The following FAM153A variants were observed in gnomAD, a reference collection of about 807,000 sequenced individuals.
FAM153A encodes family with sequence similarity 153 member A.
FAM153A carries 12 observed loss-of-function variants against 48.1 expected under a neutral mutation model. The ratio of observed to expected loss-of-function variants is 0.25; its 90% CI spans 0.16 to 0.40. The LOEUF (loss-of-function observed/expected upper bound fraction) is 0.40. FAM153A is among the 10% of genes least tolerant of loss of function. The pLI is 1.00. For synonymous variants in FAM153A, 36 were observed against 118.2 expected, an observed-to-expected ratio of 0.30 and a Z score of 4.51; for missense variants, 111 against 345.8, an observed-to-expected ratio of 0.32 and a Z score of 5.38.
the FAM153A span, among the ~76,000 whole-genome samples, chr5:177,697,714 T>C: frequency 4.6e-5 from 7 of 151,884 alleles, no homozygotes; most frequent in African/African-American, 1.7e-4. Flanking sequence ...TCCAGCTCTC[T>C]GAGGATTGGG....
chr5:177,738,278 C>T lies in FAM153A; in HGVS notation c.562+835G>A, dbSNP rs141572832. Among the ~76,000 whole-genome samples the T allele has an allele frequency of 5.5e-4, 83 of 151,452 alleles. 4 individuals are homozygous for T. The highest frequency in any genetic ancestry group is 1.8e-3 in the African/African-American group (72 of 40,726). On this transcript the variant is annotated intron_variant, in intron 10 of 20. Coordinates refer to ENST00000614127, the Ensembl canonical transcript of FAM153A. ...TTATGCCGTTAAATACAATATAACA[C>T]GCCTGATTATTTTCTGCTTTGGATC...
At chr5:177,746,683 G>A (rs1291777383) in intron 4 of FAM153A, among the ~76,000 whole-genome samples, 1 of 150,222 alleles carries the variant, frequency 6.7e-6, no homozygotes, top group Non-Finnish European at 1.5e-5. Context: ...GGGGCCCGCT[G>A]TTGCTCATAC....
Position 177,735,089 on chromosome 5 carries a change from A to G in FAM153A, c.665-156T>C, listed in dbSNP as rs191863273. On this transcript the variant is annotated intron_variant, in intron 12 of 20. Coordinates refer to ENST00000614127, the Ensembl canonical transcript of FAM153A. ...GCCTTTGGCTTCCTAGCTCCAGGCC[A>G]CCTCATAAACATATAATAGCCAATC... 7.4e-4 allele frequency among the ~76,000 whole-genome samples: 94 copies of G among 126,472 alleles called. 1 individual carries two copies. Among genetic ancestry groups the G allele is most frequent in the African/African-American group, 2.1e-3 (75 of 35,750 alleles). The allele number at this position is 126,472 out of a possible 152,430, so 83.0% of individuals were successfully genotyped here.
At chr5:177,757,213 A>G (rs1176463176), upstream of FAM153A, among the ~76,000 whole-genome samples, 1 of 99,916 alleles carries the variant, frequency 1.0e-5, no homozygotes, top group African/African-American at 3.9e-5. Flanking sequence ...ACCGCTACAC[A>G]AATAAACTAG....
rs1348006305 is a variant in FAM153A, at chr5:177,769,105, T to C, written c.-57+11344A>G. Among the ~76,000 whole-genome samples the C allele has an allele frequency of 5.4e-5, 4 of 73,660 alleles. 1 individual carries two copies. Among genetic ancestry groups the C allele is most frequent in the Non-Finnish European group, 8.0e-5 (3 of 37,372 alleles). The allele number at this position is 73,660 out of a possible 152,430, so 48.3% of individuals were successfully genotyped here. ...AAAAATAGCCGGGCTTTGTGGCGGG[T>C]GCCTGTAGTCCCAGCTACTCCAGAG... On this transcript the variant is annotated intron_variant, in intron 1 of 8. Coordinates refer to the FAM153A transcript ENST00000393518.
intron 25 of FAM153A, among the ~76,000 whole-genome samples, chr5:177,715,930 C>T (rs1242556379): frequency 6.6e-6 from 1 of 151,568 alleles, no homozygotes; most frequent in Non-Finnish European, 1.5e-5. Context: ...CATACCTTGG[C>T]CTCTAAAAGT....
upstream of FAM153A, among the ~76,000 whole-genome samples, chr5:177,755,275 A>G (rs948090758): frequency 3.3e-5 from 5 of 150,484 alleles, no homozygotes; most frequent in South Asian, 2.1e-4. Context: ...CGAGAAGAGA[A>G]GTTTAGAGAA....
At chr5:177,718,904 T>TA (rs200796176), downstream of FAM153A, among the ~76,000 whole-genome samples, 6,868 of 151,114 alleles carry the variant, frequency 0.045, 453 homozygotes, top group African/African-American at 0.14. Flanking sequence ...TTTTTTGAGA[T>TA]AGAGTCTTGT....
At chr5:177,696,269 C>T in the FAM153A span, among the ~76,000 whole-genome samples, 75 of 123,746 alleles carry the variant, frequency 6.1e-4, 1 homozygote, top group Admixed American at 2.0e-3. Flanking sequence ...ACGGGGTGGC[C>T]AGGCAGGGGC....
downstream of FAM153A, among the ~76,000 whole-genome samples, chr5:177,709,043 C>T (rs570669823): frequency 1.1e-4 from 14 of 124,274 alleles, no homozygotes; most frequent in Non-Finnish European, 2.1e-4. Flanking sequence ...TGCAATGAGC[C>T]GAGACTGCGC....
chr5:177,711,967 T>C (rs186174182), exon 27 of FAM153A: 74 of 151,992 alleles, frequency 4.9e-4, no homozygotes, highest in Non-Finnish European at 7.2e-4. Flanking sequence ...TCTTCTTCTT[T>C]AGTTTCAAAA....
downstream of FAM153A, among the ~76,000 whole-genome samples, chr5:177,708,987 C>T (rs368521440): frequency 1.1e-4 from 16 of 148,886 alleles, no homozygotes; most frequent in East Asian, 4.1e-4. Context: ...CCCAGCGACT[C>T]GGGAGGCTGG....
rs1362678263 is a variant in FAM153A, at chr5:177,760,233, AC to A, written c.-56-11535del. On this transcript the variant is annotated intron_variant, in intron 1 of 8. Transcript: ENST00000393518. ...ATCTCTTAATGCCAAATTGGGAAAG[AC>A]CTTTTTTTTTTTTTTTTTTTGAGAT... 5.3e-4 allele frequency among the ~76,000 whole-genome samples: 24 copies of A among 45,134 alleles called. 1 individual carries two copies. Among genetic ancestry groups the A allele is most frequent in the Non-Finnish European group, 5.1e-4 (13 of 25,650 alleles). 29.6% of individuals were successfully genotyped at this position (45,134 alleles called of 152,430 possible). A position where few individuals can be genotyped will look rare whatever the true frequency, so the allele number is the denominator to read the frequency against.
At chr5:177,719,541 A>T (rs1410849426), downstream of FAM153A, among the ~76,000 whole-genome samples, 1 of 150,636 alleles carries the variant, frequency 6.6e-6, no homozygotes, top group East Asian at 1.9e-4. Flanking sequence ...AAGAGCTCTC[A>T]GTCATGGTCT....
At chr5:177,729,231 C>G (rs1348264129) in intron 17 of FAM153A, among the ~76,000 whole-genome samples, 178 bp from the exon 20 acceptor site, 3 of 116,704 alleles carry the variant, frequency 2.6e-5, no homozygotes, top group African/African-American at 5.7e-5. Flanking sequence ...AATTGTTTTT[C>G]TTTGACAATT....
intron 1 of FAM153A, among the ~76,000 whole-genome samples, chr5:177,759,913 C>T (rs946005854): frequency 5.9e-5 from 9 of 151,324 alleles, no homozygotes; most frequent in Admixed American, 5.9e-4. Flanking sequence ...TGTAACAAAC[C>T]TGCACGTTGT....
chr5:177,711,464 G>A (rs1239977792), exon 27 of FAM153A: 1 of 151,694 alleles, frequency 6.6e-6, no homozygotes, highest in Non-Finnish European at 1.5e-5. Flanking sequence ...GAAATGACTG[G>A]AGAAGCCATG....
At chr5:177,713,000 G>A (rs968493716) in exon 27 of FAM153A, 5 of 151,824 alleles carry the variant, frequency 3.3e-5, no homozygotes, top group Non-Finnish European at 5.9e-5. Context: ...TTGACACTGT[G>A]CTCTACCAAG....
At chr5:177,754,198 C>A (rs1321994837), upstream of FAM153A, among the ~76,000 whole-genome samples, 49 of 152,020 alleles carry the variant, frequency 3.2e-4, no homozygotes, top group Non-Finnish European at 3.4e-4. Context: ...TATCCTGCAC[C>A]TGGCTCGGAG....
Sources: allele counts gnomAD v4.1 joint callset (sites outside exome capture counted in the v4.1 genomes callset), GRCh38; gene constraint gnomAD v4.1.1; transcripts MANE v1.5; gene names NCBI Gene and HGNC (gene_info 2026-07-23, HGNC 2026-07-21).